Variants in SLC45A1 observed in about 807,000 individuals in gnomAD.
SLC45A1 encodes proton-associated sugar transporter A.
In SLC45A1, 28 loss-of-function variants were observed where a neutral mutation model predicts 57.6. The ratio of observed to expected loss-of-function variants is 0.49; its 90% CI spans 0.36 to 0.67. SLC45A1 has a LOEUF of 0.67. Among genes scored for constraint, SLC45A1 ranks in the 30% least tolerant of loss-of-function variants. The pLI, the probability that SLC45A1 is intolerant of heterozygous loss-of-function variation, is 0.00. For synonymous variants in SLC45A1, 459 were observed against 471.5 expected, an observed-to-expected ratio of 0.97 and a Z score of 0.34; for missense variants, 814 against 1,041.5, an observed-to-expected ratio of 0.78 and a Z score of 3.01.
chr1:8,321,161 C>A (rs914561147), intron 1 of SLC45A1, among the ~76,000 whole-genome samples: 2 of 152,158 alleles, frequency 1.3e-5, no homozygotes, highest in African/African-American at 4.8e-5. Context: ...AGTGCTTGAG[C>A]TAGGCCAGTG....
chr1:8,319,924 G>T (rs957142864), intron 1 of SLC45A1, among the ~76,000 whole-genome samples: 2 of 152,032 alleles, frequency 1.3e-5, no homozygotes, highest in African/African-American at 4.8e-5. Context: ...CTCCATGTTG[G>T]CCAGGCTGGT....
chr1:8,339,952 G>A (rs1640757998), intron 8 of SLC45A1, among the ~76,000 whole-genome samples: 1 of 152,222 alleles, frequency 6.6e-6, no homozygotes, highest in Admixed American at 6.5e-5. Context: ...TCCCAGGGAT[G>A]TGGGGAATGG....
chr1:8,322,382 G>C (rs556601603), intron 1 of SLC45A1, among the ~76,000 whole-genome samples: 2 of 150,472 alleles, frequency 1.3e-5, no homozygotes, highest in African/African-American at 4.9e-5. Context: ...ATTGATGGAT[G>C]AGTGGGTGAG....
chr1:8,321,047 C>T (rs1158872865), intron 1 of SLC45A1, among the ~76,000 whole-genome samples: 4 of 152,092 alleles, frequency 2.6e-5, no homozygotes, highest in East Asian at 1.9e-4. Flanking sequence ...TTGGAACTGG[C>T]GCTCTATTTC....
Position 8,330,299 on chromosome 1 carries a change from T to C in SLC45A1, c.806T>C (p.Ile269Thr), listed in dbSNP as rs750596930. Residue 269 changes from isoleucine (I) to threonine (T), a missense_variant, in exon 5 of 9, where the codon ATT becomes ACT. Physicochemically the swap from Ile to Thr is moderately conservative, Grantham distance 89. Transcript: ENST00000471889. The surrounding 1 kb of genome is among the most constrained non-coding windows in gnomAD (Gnocchi z 8.4). ...GRALGGQLRV[I>T]YLFTAVTLSV... ...GCCCTGGGGGGACAGCTCCGAGTCA[T>C]TTACCTCTTCACTGCGGTCACCCTG... 6.2e-7 allele frequency: 1 copy of C among 1,613,736 alleles called. No individual in the cohort carries two copies.
intron 6 of SLC45A1, among the ~76,000 whole-genome samples, chr1:8,336,856 G>A (rs1211889905): frequency 1.3e-5 from 2 of 152,058 alleles, no homozygotes; most frequent in Non-Finnish European, 2.9e-5. Context: ...TTCAAGGAAC[G>A]GAGCGCTAAG....
chr1:8,318,130 C>A lies in SLC45A1; in HGVS notation c.-81C>A. The A allele has an allele frequency of 2.1e-6, 1 of 468,160 alleles. No individual in the cohort carries two copies. The highest frequency in any genetic ancestry group is 3.9e-6 in the Non-Finnish European group (1 of 257,726). The allele number at this position is 468,160 out of a possible 1,614,324, so 29.0% of individuals were successfully genotyped here. A position where few individuals can be genotyped will look rare whatever the true frequency, so the allele number is the denominator to read the frequency against. On this transcript the variant is annotated 5_prime_UTR_variant, in exon 1 of 9. Transcript: ENST00000471889. Reference sequence around the variant, plus strand: ...GGTGATGCTGCAGCAGCCGGGACCGCGGCCGGGCAGGCAGCAGCCCAGCGG... The same window carrying A: ...GGTGATGCTGCAGCAGCCGGGACCGAGGCCGGGCAGGCAGCAGCCCAGCGG...
In SLC45A1 at chr1:8,328,786, C is replaced by CT. The variant is rs1640280156; in HGVS notation, c.716-1422dup. Among the ~76,000 whole-genome samples the CT allele has an allele frequency of 6.6e-6, 1 of 152,170 alleles. No individual in the cohort carries two copies. The highest frequency in any genetic ancestry group is 1.5e-5 in the Non-Finnish European group (1 of 68,026). On this transcript the variant is annotated intron_variant, in intron 4 of 8. Transcript: ENST00000471889. The surrounding 1 kb of genome is among the most constrained non-coding windows in gnomAD (Gnocchi z 4.6). ...CCCAGGAGGAGGAGGTGGCAGTGAG[C>CT]TGAGATGGTGCTGCTGCACTCCAGC...
At chr1:8,339,748 CACCT>C in intron 8 of SLC45A1, 50 bp downstream of exon 8, 1 of 1,498,966 alleles carries the variant, frequency 6.7e-7, no homozygotes, top group Non-Finnish European at 9.3e-7. Context: ...GGAGAAACCC[CACCT>C]GAGAACTGTC....
chr1:8,335,783 G>C lies in SLC45A1; in HGVS notation c.1597+193G>C, dbSNP rs1361237352. Among the ~76,000 whole-genome samples the C allele has an allele frequency of 6.6e-6, 1 of 152,164 alleles. No homozygotes were observed. The highest frequency in any genetic ancestry group is 2.4e-5 in the African/African-American group (1 of 41,448). On this transcript the variant is annotated intron_variant, in intron 6 of 8. Transcript: ENST00000471889. The surrounding 1 kb of genome is among the most constrained non-coding windows in gnomAD (Gnocchi z 4.1). Reference sequence around the variant, plus strand: ...GGCTTTTCTCCAGGGTGCCTGCCCTGCATAGCCCCAAACTAAACCAGGTGT... The same window carrying C: ...GGCTTTTCTCCAGGGTGCCTGCCCTCCATAGCCCCAAACTAAACCAGGTGT...
At position 8,344,080 on chromosome 1, in the gene SLC45A1, G is replaced by T. The variant is rs548021144; in HGVS notation, c.*67G>T. On this transcript the variant is annotated 3_prime_UTR_variant, in exon 9 of 9. Transcript: ENST00000471889. ...GGTCTGGAGCAGGCCGACCAGTGAGGACCAAAGGGCCTTGTTGGACAGGGG... is the reference window on the plus strand; with the variant it reads ...GGTCTGGAGCAGGCCGACCAGTGAGTACCAAAGGGCCTTGTTGGACAGGGG... 8.9e-5 allele frequency: 131 copies of T among 1,473,246 alleles called. 1 individual carries two copies. The South Asian group carries it at 1.6e-3, about 18-fold the overall frequency. 91.3% of individuals were successfully genotyped at this position (1,473,246 alleles called of 1,614,324 possible). A position where few individuals can be genotyped will look rare whatever the true frequency, so the allele number is the denominator to read the frequency against.
rs190320881 is a variant in SLC45A1 at position 8,337,313 on chromosome 1, C to A, written c.1598-503C>A. On this transcript the variant is annotated intron_variant, in intron 6 of 8. Transcript: ENST00000471889. Reference sequence around the variant, plus strand: ...AACCCCATGATTCAATTAGCTCTCACGGGGTCCCGCCCACGACACACAGGG... The same window carrying A: ...AACCCCATGATTCAATTAGCTCTCAAGGGGTCCCGCCCACGACACACAGGG... Among the ~76,000 whole-genome samples the A allele has an allele frequency of 1.5e-4, 23 of 152,336 alleles. No individual in the cohort carries two copies. In the South Asian group the frequency reaches 4.8e-3, roughly 32 times the overall value.
rs539409912 is a variant in SLC45A1, at chr1:8,325,769, C to A, written c.491-49C>A. 1.3e-6 allele frequency: 2 copies of A among 1,538,450 alleles called. No homozygotes were observed. The highest frequency in any genetic ancestry group is 1.8e-6 in the Non-Finnish European group (2 of 1,120,778). ...GACATAAGTCGTGAGCTGCCGGGGA[C>A]AGAGCTGGTCTGCATTTTCTTGGGG... is the stretch of plus-strand genomic sequence containing the variant. On this transcript the variant is annotated intron_variant, in intron 3 of 8. Coordinates refer to ENST00000471889, the MANE Select transcript of SLC45A1 (RefSeq NM_001080397.3). The surrounding 1 kb of genome is among the most constrained non-coding windows in gnomAD (Gnocchi z 6.3).
At position 8,320,734 on chromosome 1, in the gene SLC45A1, C is replaced by CACACACACTT. The variant is rs1553149616; in HGVS notation, c.-25+2548_-25+2549insACACACACTT. Among the ~76,000 whole-genome samples the CACACACACTT allele has an allele frequency of 7.4e-4, 110 of 149,542 alleles. 2 individuals are homozygous for CACACACACTT. The highest frequency in any genetic ancestry group is 2.6e-3 in the African/African-American group (103 of 40,366). ...ACACACACACACACACACACACACA[C>CACACACACTT]CTGCCATATGCTGTTTAAAGCTGAA... is the stretch of plus-strand genomic sequence containing the variant. On this transcript the variant is annotated intron_variant, in intron 1 of 8. Coordinates refer to ENST00000471889, the MANE Select transcript of SLC45A1 (RefSeq NM_001080397.3).
intron 1 of SLC45A1, among the ~76,000 whole-genome samples, chr1:8,319,472 A>C (rs1476496819): frequency 6.6e-6 from 1 of 152,184 alleles, no homozygotes; most frequent in Non-Finnish European, 1.5e-5. Flanking sequence ...ACTTCCCACA[A>C]CACAGTTTGA....
intron 1 of SLC45A1, among the ~76,000 whole-genome samples, chr1:8,319,433 A>G (rs745936364): frequency 1.3e-5 from 2 of 152,204 alleles, no homozygotes; most frequent in African/African-American, 2.4e-5. Context: ...ATTGACATTG[A>G]TTACTTTTAT....
chr1:8,324,544 T>C lies in SLC45A1; in HGVS notation c.215T>C (p.Leu72Pro), dbSNP rs1320535523. 6.9e-7 allele frequency: 1 copy of C among 1,450,820 alleles called. No individual in the cohort carries two copies. Among genetic ancestry groups the C allele is most frequent in the Admixed American group, 1.8e-5 (1 of 54,128 alleles). 89.9% of individuals were successfully genotyped at this position (1,450,820 alleles called of 1,614,324 possible). ...PPPNTPCPLELVDFGDLHPQR... is the reference protein window; with the variant it reads ...PPPNTPCPLEPVDFGDLHPQR... Reference sequence around the variant, plus strand: ...CCCAACACCCCGTGCCCGCTTGAGCTGGTGGACTTCGGGGACCTGCACCCC... The same window carrying C: ...CCCAACACCCCGTGCCCGCTTGAGCCGGTGGACTTCGGGGACCTGCACCCC... The change falls in exon 2 of 9, where the codon CTG (leucine) becomes CCG (proline). Residue 72 changes from leucine to proline, a missense_variant. Leu to Pro is a moderately conservative substitution (Grantham distance 98). Coordinates refer to ENST00000471889, the MANE Select transcript of SLC45A1 (RefSeq NM_001080397.3).
chr1:8,344,041 C>T lies in SLC45A1; in HGVS notation c.*28C>T, dbSNP rs368362017. On this transcript the variant is annotated 3_prime_UTR_variant, in exon 9 of 9. Coordinates refer to ENST00000471889, the MANE Select transcript of SLC45A1 (RefSeq NM_001080397.3). ...TCGCGGAGCCTCGACTCCGGACACG[C>T]GCCTGCACCTGGGGGTCTGGAGCAG... is the stretch of plus-strand genomic sequence containing the variant. 209 of 1,581,674 alleles carry T rather than the reference C, an allele frequency of 1.3e-4. No homozygotes were observed. The East Asian group carries it at 3.0e-3, about 23-fold the overall frequency.
At chr1:8,319,119 A>G (rs1160290589) in intron 1 of SLC45A1, among the ~76,000 whole-genome samples, 2 of 152,142 alleles carry the variant, frequency 1.3e-5, no homozygotes, top group African/African-American at 2.4e-5. Context: ...CATCTCTACT[A>G]AAAATACAAA....
Sources: gnomAD v4.1 joint callset for allele counts (sites outside exome capture counted in the v4.1 genomes callset) on GRCh38, gnomAD v4.1.1 for gene constraint, Gnocchi (gnomAD v3.1) non-coding constraint, MANE v1.5 for transcripts, NCBI Gene and HGNC (gene_info 2026-07-23, HGNC 2026-07-21) for gene names.